Variants in PTPRN2 observed in about 807,000 individuals in gnomAD.
PTPRN2 encodes receptor-type tyrosine-protein phosphatase N2.
Under a neutral mutation model 118.8 loss-of-function variants are expected in PTPRN2, and 74 were observed. The observed-to-expected ratio is 0.62, with a 90% CI of 0.52 to 0.76. The LOEUF is 0.76. Ranked by LOEUF, PTPRN2 falls within the 30% of genes least tolerant of loss-of-function variation. The pLI, the probability that PTPRN2 is intolerant of heterozygous loss-of-function variation, is 0.00. For synonymous variants in PTPRN2, 641 were observed against 608.0 expected, an observed-to-expected ratio of 1.05 and a Z score of -0.80; for missense variants, 1,481 against 1,394.4, an observed-to-expected ratio of 1.06 and a Z score of -0.99.
At position 157,676,790 on chromosome 7, in the gene PTPRN2, T is replaced by A. The variant is rs1369792829; in HGVS notation, c.2001+5935A>T. 6.6e-6 allele frequency among the ~76,000 whole-genome samples: 1 copy of A among 152,164 alleles called. No homozygotes were observed. The highest frequency in any genetic ancestry group is 1.5e-5 in the Non-Finnish European group (1 of 68,018). ...GGTCCCTTTCCACGGGGTGGGTGACTGATGAGGACAGGGGGTGCCTAGGAA... is the reference window on the plus strand; with the variant it reads ...GGTCCCTTTCCACGGGGTGGGTGACAGATGAGGACAGGGGGTGCCTAGGAA... On this transcript the variant is annotated intron_variant, in intron 13 of 22. Coordinates refer to ENST00000389418, the MANE Select transcript of PTPRN2 (RefSeq NM_002847.5). The surrounding 1 kb of genome is among the most constrained non-coding windows in gnomAD (Gnocchi z 5.6).
At chr7:158,208,419 A>C (rs1827329107) in intron 3 of PTPRN2, among the ~76,000 whole-genome samples, 1 of 152,204 alleles carries the variant, frequency 6.6e-6, no homozygotes, top group Non-Finnish European at 1.5e-5. Flanking sequence ...ATAAACAAAC[A>C]AACAAAAATA....
rs1183540649 is a variant in PTPRN2 at position 157,656,428 on chromosome 7, T to TGCGTGC, written c.2119_2124dup (p.Ala707_Arg708dup). On this transcript the variant is annotated inframe_insertion, in exon 14 of 23. Transcript: ENST00000389418. ...TCCTCGGACCAGGATGAGGCGCTGC[T>TGCGTGC]GCGTGCGGAGGGGCTGGGGATCGGC... 6.4e-7 allele frequency: 1 copy of TGCGTGC among 1,553,890 alleles called. No homozygotes were observed.
chr7:157,888,065 G>A (rs1796589488), intron 12 of PTPRN2, among the ~76,000 whole-genome samples: 2 of 149,440 alleles, frequency 1.3e-5, no homozygotes, highest in Admixed American at 1.3e-4. Context: ...CTTGGGGGGT[G>A]TGAGTGAATG....
intron 11 of PTPRN2, among the ~76,000 whole-genome samples, chr7:158,007,674 G>A (rs1805724706): frequency 6.6e-6 from 1 of 152,176 alleles, no homozygotes. Flanking sequence ...AGTCAGCCTG[G>A]TCCCTATGCT....
In PTPRN2 at chr7:158,085,863, G is replaced by A. The variant is rs868773129; in HGVS notation, c.1644-4486C>T. Reference sequence around the variant, plus strand: ...CATGACGCCCATCCACACCCACGACGCCCATCCACACCTACGACGCCCATC... The same window carrying A: ...CATGACGCCCATCCACACCCACGACACCCATCCACACCTACGACGCCCATC... On this transcript the variant is annotated intron_variant, in intron 10 of 22. Transcript: ENST00000389418. Among the ~76,000 whole-genome samples the A allele has an allele frequency of 4.2e-3, 523 of 124,198 alleles. 4 individuals carry two copies. The highest frequency in any genetic ancestry group is 0.015 in the African/African-American group (474 of 32,140). 81.5% of individuals were successfully genotyped at this position (124,198 alleles called of 152,430 possible).
At chr7:158,207,720 T>C (rs1228993419) in intron 3 of PTPRN2, among the ~76,000 whole-genome samples, 1 of 152,050 alleles carries the variant, frequency 6.6e-6, no homozygotes, top group African/African-American at 2.4e-5. Flanking sequence ...AATACCTAAC[T>C]CAGACACCAA....
chr7:158,147,511 T>A (rs1283127510), intron 6 of PTPRN2, among the ~76,000 whole-genome samples: 10 of 99,984 alleles, frequency 1.0e-4, no homozygotes, highest in South Asian at 3.4e-4. Flanking sequence ...ACGCCACAGG[T>A]CTTTCCCCCT....
At chr7:157,799,232 G>A (rs980625039) in intron 12 of PTPRN2, among the ~76,000 whole-genome samples, 1 of 152,140 alleles carries the variant, frequency 6.6e-6, no homozygotes, top group African/African-American at 2.4e-5. Flanking sequence ...TGCTGGACAG[G>A]GATGCTGAGG....
intron 12 of PTPRN2, among the ~76,000 whole-genome samples, chr7:157,709,218 G>T (rs1206271367): frequency 6.6e-6 from 1 of 152,216 alleles, no homozygotes; most frequent in Non-Finnish European, 1.5e-5. Context: ...CTCCCATCAG[G>T]GGAGATGGAG....
intron 6 of PTPRN2, among the ~76,000 whole-genome samples, chr7:158,159,370 G>A (rs950164413): frequency 3.3e-5 from 5 of 152,236 alleles, no homozygotes; most frequent in Non-Finnish European, 5.9e-5. Flanking sequence ...GGCTGGCTGG[G>A]TGGAGACCCG....
intron 11 of PTPRN2, among the ~76,000 whole-genome samples, chr7:157,908,242 C>T (rs1797888506): frequency 6.6e-6 from 1 of 152,232 alleles, no homozygotes; most frequent in Admixed American, 6.5e-5. Context: ...ACAGGCCGAG[C>T]CGCAGCATGA....
chr7:158,031,627 T>C (rs548824429), intron 11 of PTPRN2, among the ~76,000 whole-genome samples: 1 of 152,218 alleles, frequency 6.6e-6, no homozygotes, highest in African/African-American at 2.4e-5. Flanking sequence ...AAGAAAAAGA[T>C]AAATGGAGGG....
At chr7:158,293,888 G>A (rs1264308488) in intron 3 of PTPRN2, among the ~76,000 whole-genome samples, 1 of 152,180 alleles carries the variant, frequency 6.6e-6, no homozygotes, top group African/African-American at 2.4e-5. Flanking sequence ...AGCACATGTG[G>A]GGCCATCATC....
At chr7:157,554,027 G>A (rs1310671112) in intron 21 of PTPRN2, among the ~76,000 whole-genome samples, 21 of 127,176 alleles carry the variant, frequency 1.7e-4, no homozygotes, top group African/African-American at 3.8e-4. Flanking sequence ...CGGCCAGGCC[G>A]GGCGCCGGAT....
chr7:157,572,360 CA>C (rs770331226), intron 19 of PTPRN2, among the ~76,000 whole-genome samples: 5 of 152,284 alleles, frequency 3.3e-5, no homozygotes, highest in Admixed American at 6.5e-5. Flanking sequence ...TGAACTCCTA[CA>C]AGAAACAAAT....
intron 19 of PTPRN2, among the ~76,000 whole-genome samples, chr7:157,572,199 T>A (rs1360157160): frequency 6.6e-6 from 1 of 151,544 alleles, no homozygotes; most frequent in Non-Finnish European, 1.5e-5. Flanking sequence ...AATCCAGGTG[T>A]TTTTTTTTAA....
chr7:158,448,540 G>A (rs914745481), intron 2 of PTPRN2, among the ~76,000 whole-genome samples: 1 of 152,164 alleles, frequency 6.6e-6, no homozygotes, highest in African/African-American at 2.4e-5. Context: ...GTCTTCACTG[G>A]CGCCTGATGC....
chr7:158,301,649 C>T lies in PTPRN2; in HGVS notation c.277+15170G>A, dbSNP rs1190033608. 2.0e-5 allele frequency among the ~76,000 whole-genome samples: 3 copies of T among 152,276 alleles called. 1 individual carries two copies. In the East Asian group the frequency reaches 5.8e-4, roughly 29 times the overall value. ...AATGAGTGGCACCATCTAAATTAAT[C>T]TTAAGAACAATCCCATTTGCTGGGC... On this transcript the variant is annotated intron_variant, in intron 3 of 22. Coordinates refer to ENST00000389418, the MANE Select transcript of PTPRN2 (RefSeq NM_002847.5).
intron 11 of PTPRN2, among the ~76,000 whole-genome samples, chr7:157,928,859 TG>T (rs1002265422): frequency 1.0e-3 from 10 of 9,762 alleles, no homozygotes; most frequent in Admixed American, 2.7e-3. Context: ...GAGGATAGGA[TG>T]GGGGGGTGGG....
Sources: allele counts gnomAD v4.1 joint callset (sites outside exome capture counted in the v4.1 genomes callset), GRCh38; gene constraint gnomAD v4.1.1; non-coding constraint Gnocchi (gnomAD v3.1); transcripts MANE v1.5; gene names NCBI Gene and HGNC (gene_info 2026-07-23, HGNC 2026-07-21).